TMEM108: variants seen among roughly 807,000 people sequenced by gnomAD.
The protein encoded by TMEM108 is cancer/testis antigen 124.
A neutral mutation model predicts 35.1 loss-of-function variants in TMEM108; 12 were observed. The observed-to-expected ratio is 0.34, with a 90% confidence interval of 0.22 to 0.55. The LOEUF is 0.55. TMEM108 is among the 20% of genes least tolerant of loss of function. TMEM108 has a pLI of 0.89. For synonymous variants in TMEM108, 287 were observed against 308.6 expected, an observed-to-expected ratio of 0.93 and a Z score of 0.73; for missense variants, 680 against 753.3, an observed-to-expected ratio of 0.90 and a Z score of 1.14.
intron 3 of TMEM108, among the ~76,000 whole-genome samples, chr3:133,302,152 G>T (rs991948339): frequency 7.9e-5 from 12 of 152,158 alleles, no homozygotes; most frequent in African/African-American, 1.4e-4. Flanking sequence ...GTGAATCCAT[G>T]ATCTTGCCAT....
intron 3 of TMEM108, among the ~76,000 whole-genome samples, chr3:133,342,412 T>G (rs968965344): frequency 6.6e-6 from 1 of 150,660 alleles, no homozygotes; most frequent in East Asian, 1.9e-4. Context: ...GCAGGATGGA[T>G]ACCTCATTTA....
At chr3:133,387,988 C>G (rs1201424266) in intron 4 of TMEM108, 2 of 985,314 alleles carry the variant, frequency 2.0e-6, no homozygotes, top group African/African-American at 1.7e-5. Context: ...ATACACTTTT[C>G]CCCTGCCAGC....
At chr3:133,051,482 C>G (rs887583857) in intron 2 of TMEM108, among the ~76,000 whole-genome samples, 1 of 151,926 alleles carries the variant, frequency 6.6e-6, no homozygotes, top group Admixed American at 6.6e-5. Context: ...TTCTCTTGAC[C>G]TGATGTTTCA....
At chr3:133,083,172 C>G (rs561552750) in intron 2 of TMEM108, among the ~76,000 whole-genome samples, 16 of 98,910 alleles carry the variant, frequency 1.6e-4, no homozygotes, top group Non-Finnish European at 3.5e-4. Context: ...CTTGGAAAGC[C>G]CCCCCCCACC....
rs370350975 is a variant in TMEM108, at chr3:133,138,375, A to G, written c.-46-90891A>G. Among the ~76,000 whole-genome samples the G allele has an allele frequency of 1.1e-4, 16 of 152,322 alleles. No individual in the cohort carries two copies. The East Asian group carries it at 1.4e-3, about 13-fold the overall frequency. On this transcript the variant is annotated intron_variant, in intron 2 of 5. Transcript: ENST00000321871. Reference sequence around the variant, plus strand: ...CTTCACAGGAGAAAAAGGAGTGAAAAGGAAGAGAGACTATCAAACTTATCC... The same window carrying G: ...CTTCACAGGAGAAAAAGGAGTGAAAGGGAAGAGAGACTATCAAACTTATCC...
At chr3:133,379,514 G>C (rs1015827160) in intron 3 of TMEM108, among the ~76,000 whole-genome samples, 1 of 152,124 alleles carries the variant, frequency 6.6e-6, no homozygotes, top group Non-Finnish European at 1.5e-5. Flanking sequence ...CAGGGTAGCT[G>C]CTCTGCTTCC....
chr3:133,194,136 C>G (rs995141722), intron 2 of TMEM108, among the ~76,000 whole-genome samples: 1 of 151,992 alleles, frequency 6.6e-6, no homozygotes, highest in South Asian at 2.1e-4. Flanking sequence ...GGGGTTTCAC[C>G]ATATTGGTCA....
intron 1 of TMEM108, among the ~76,000 whole-genome samples, chr3:133,039,127 G>A (rs998352633): frequency 1.3e-5 from 2 of 152,100 alleles, no homozygotes; most frequent in Non-Finnish European, 2.9e-5. Flanking sequence ...CACCGGTGGA[G>A]CCGGTCTAAA....
chr3:133,286,769 C>T (rs6776275), intron 3 of TMEM108, among the ~76,000 whole-genome samples: 65,068 of 152,050 alleles, frequency 0.43, 14,315 homozygotes, highest in African/African-American at 0.48. Context: ...CCGTTGGCCA[C>T]TAAATGGTCC....
rs2072967546 is a variant in TMEM108, at chr3:133,380,224, T to C, written c.513T>C (p.Ser171=). The C allele has an allele frequency of 6.2e-7, 1 of 1,612,400 alleles. No homozygotes were observed. Among genetic ancestry groups the C allele is most frequent in the African/African-American group, 1.3e-5 (1 of 74,734 alleles). The change falls in exon 4 of 6, where the codon TCT becomes TCC. Residue 171 remains serine, a synonymous_variant. Transcript: ENST00000321871. The surrounding 1 kb of genome is among the most constrained non-coding windows in gnomAD (Gnocchi z 5.3). ...TTRRPPRPPG[S]SRKGAGNSSR... ...GCAGGCCCCCCAGGCCCCCAGGCTC[T>C]TCCCGAAAAGGGGCTGGTAATTCAT...
chr3:133,344,156 A>C (rs1324307572), intron 3 of TMEM108, among the ~76,000 whole-genome samples: 1 of 151,876 alleles, frequency 6.6e-6, no homozygotes, highest in African/African-American at 2.4e-5. Context: ...AAAAATTAAA[A>C]ACCCTTAAAT....
At chr3:133,169,706 C>T (rs1307772205) in intron 2 of TMEM108, among the ~76,000 whole-genome samples, 1 of 152,192 alleles carries the variant, frequency 6.6e-6, no homozygotes, top group Non-Finnish European at 1.5e-5. Flanking sequence ...GTAGCCTTCC[C>T]TCCATCTTGG....
chr3:133,179,072 C>T (rs1018309894), intron 2 of TMEM108, among the ~76,000 whole-genome samples: 2 of 151,922 alleles, frequency 1.3e-5, no homozygotes, highest in Non-Finnish European at 2.9e-5. Context: ...TCATCACTGG[C>T]CATCAGAGAA....
At chr3:133,041,265 G>A (rs1403549174) in intron 1 of TMEM108, among the ~76,000 whole-genome samples, 5 of 152,176 alleles carry the variant, frequency 3.3e-5, no homozygotes, top group Admixed American at 2.6e-4. Context: ...GTAGTTACAC[G>A]TCTCAGGTTG....
At chr3:133,395,384 C>T (rs375000451) in intron 5 of TMEM108, among the ~76,000 whole-genome samples, 68 of 152,188 alleles carry the variant, frequency 4.5e-4, no homozygotes, top group African/African-American at 1.6e-3. Flanking sequence ...AGGAAACAGG[C>T]GAGTGAGTCT....
chr3:133,073,364 G>A (rs1943698064), intron 2 of TMEM108, among the ~76,000 whole-genome samples: 1 of 150,102 alleles, frequency 6.7e-6, no homozygotes. Flanking sequence ...ACAGGTAAGT[G>A]CGATTATGTG....
chr3:133,375,631 G>A (rs949178169), intron 3 of TMEM108, among the ~76,000 whole-genome samples: 2 of 152,208 alleles, frequency 1.3e-5, no homozygotes, highest in African/African-American at 4.8e-5. Flanking sequence ...AGTGTGCATA[G>A]CATTCAGTTG....
At chr3:133,053,653 A>T (rs1045602298) in intron 2 of TMEM108, among the ~76,000 whole-genome samples, 8 of 152,218 alleles carry the variant, frequency 5.3e-5, no homozygotes, top group African/African-American at 1.4e-4. Context: ...GGTTTTTAGG[A>T]TGAGAGAATA....
intron 3 of TMEM108, among the ~76,000 whole-genome samples, chr3:133,312,519 T>G (rs1417167791): frequency 6.6e-6 from 1 of 152,256 alleles, no homozygotes; most frequent in Non-Finnish European, 1.5e-5. Context: ...CAAGGCTCTG[T>G]GGGTGTGGGA....
Sources: allele counts gnomAD v4.1 joint callset (sites outside exome capture counted in the v4.1 genomes callset), GRCh38; gene constraint gnomAD v4.1.1; non-coding constraint Gnocchi (gnomAD v3.1); transcripts MANE v1.5; gene names NCBI Gene and HGNC (gene_info 2026-07-23, HGNC 2026-07-21).